Variants in PKD2 observed in about 807,000 individuals in gnomAD.
The protein encoded by PKD2 is polycystin-2.
In PKD2, 48 loss-of-function variants were observed where a neutral mutation model predicts 105.9. That is an observed-to-expected ratio of 0.45 (90% CI 0.36 to 0.58). The LOEUF (loss-of-function observed/expected upper bound fraction) is 0.58, where lower values mean the gene tolerates loss of function less well. Among genes scored for constraint, PKD2 ranks in the 20% least tolerant of loss-of-function variants. The pLI, the probability that PKD2 is intolerant of heterozygous loss-of-function variation, is 0.00. For synonymous variants in PKD2, 464 were observed against 481.1 expected (o/e 0.96, Z 0.46); for missense variants, 1,078 against 1,255.3 (o/e 0.86, Z 2.13).
At chr4:88,070,713 G>C (rs1318291543) in intron 13 of PKD2, among the ~76,000 whole-genome samples, 1 of 150,938 alleles carries the variant, frequency 6.6e-6, no homozygotes, top group Non-Finnish European at 1.5e-5. Flanking sequence ...GCTCTCTACA[G>C]CCTGAACACC....
rs1720124167 is a variant in PKD2, at chr4:88,052,053, G to A, written c.1611G>A (p.Gln537=). The A allele has an allele frequency of 6.2e-7, 1 of 1,603,082 alleles. No individual in the cohort carries two copies. Among genetic ancestry groups the A allele is most frequent in the Admixed American group, 1.7e-5 (1 of 59,974 alleles). Reference sequence around the variant, plus strand: ...CATCAAATGTGGAGGTGCTACTACAGTTTCTGGAAGATCAAAATACTTTCC... The same window carrying A: ...CATCAAATGTGGAGGTGCTACTACAATTTCTGGAAGATCAAAATACTTTCC... The part of the protein sequence containing the change: ...YRTSNVEVLL[Q]FLEDQNTFPN... The change falls in exon 7 of 15, where the codon CAG becomes CAA. Residue 537 remains glutamine (Q), a synonymous_variant. Coordinates refer to ENST00000237596, the MANE Select transcript of PKD2 (RefSeq NM_000297.4).
Position 88,043,288 on chromosome 4 carries a change from G to A in PKD2, c.1150G>A (p.Ala384Thr). 2 of 1,613,650 alleles carry A rather than the reference G, an allele frequency of 1.2e-6. No homozygotes were observed. Among genetic ancestry groups the A allele is most frequent in the Non-Finnish European group, 1.7e-6 (2 of 1,179,602 alleles). ...TGGTAGTAGCCACTGGGGAATCATTGCAACTTATAGTGGAGCTGGCTATTA... is the reference window on the plus strand; with the variant it reads ...TGGTAGTAGCCACTGGGGAATCATTACAACTTATAGTGGAGCTGGCTATTA... ...LNGSSHWGII[A>T]TYSGAGYYLD... is the part of the protein sequence containing the mutation. The change falls in exon 5 of 15, where the codon GCA (alanine) becomes ACA (threonine). Residue 384 changes from alanine to threonine, a missense_variant. Ala to Thr is a moderately conservative substitution (Grantham distance 58, BLOSUM62 0). This residue lies in a region of PKD2 where 868 missense variants were observed against 1,067.3 expected (regional missense o/e 0.81). Transcript: ENST00000237596.
At chr4:88,023,255 C>G (rs1726828158) in intron 2 of PKD2, among the ~76,000 whole-genome samples, 1 of 152,146 alleles carries the variant, frequency 6.6e-6, no homozygotes, top group Non-Finnish European at 1.5e-5. Context: ...GAAGGTGAAG[C>G]AGGAGCTTGC....
Position 88,052,052 on chromosome 4 carries a change from A to G in PKD2, c.1610A>G (p.Gln537Arg). 2.5e-6 allele frequency: 4 copies of G among 1,601,548 alleles called. No individual in the cohort carries two copies. The highest frequency in any genetic ancestry group is 1.7e-6 in the Non-Finnish European group (2 of 1,168,756). The change falls in exon 7 of 15, where the codon CAG becomes CGG. Residue 537 changes from glutamine (Q) to arginine (R), a missense_variant. Gln to Arg is a conservative substitution (Grantham distance 43). This residue lies in a region of PKD2 where 868 missense variants were observed against 1,067.3 expected (regional missense o/e 0.81). Coordinates refer to ENST00000237596, the MANE Select transcript of PKD2 (RefSeq NM_000297.4). ...ACATCAAATGTGGAGGTGCTACTACAGTTTCTGGAAGATCAAAATACTTTC... is the reference window on the plus strand; with the variant it reads ...ACATCAAATGTGGAGGTGCTACTACGGTTTCTGGAAGATCAAAATACTTTC... ...YRTSNVEVLL[Q>R]FLEDQNTFPN...
chr4:88,064,938 GTT>G (rs2110137517), intron 10 of PKD2, among the ~76,000 whole-genome samples: 1 of 152,064 alleles, frequency 6.6e-6, no homozygotes, highest in South Asian at 2.1e-4. Context: ...TTTTTTGTTT[GTT>G]TGTTTGTTTG....
At chr4:88,066,643 G>A (rs1257135518) in intron 12 of PKD2, among the ~76,000 whole-genome samples, 2 of 151,976 alleles carry the variant, frequency 1.3e-5, no homozygotes, top group Non-Finnish European at 2.9e-5. Context: ...AGTAGCCACC[G>A]TGCCTTTCCT....
intron 9 of PKD2, among the ~76,000 whole-genome samples, chr4:88,058,652 A>G (rs1279081506): frequency 6.6e-6 from 1 of 152,158 alleles, no homozygotes; most frequent in Non-Finnish European, 1.5e-5. Context: ...GTTTTAAATT[A>G]TTTATATCCC....
At position 88,007,856 on chromosome 4, in the gene PKD2, C is replaced by T. The variant is rs1430133880; in HGVS notation, c.123C>T (p.Ala41=). 5.7e-6 allele frequency: 7 copies of T among 1,226,276 alleles called. No individual in the cohort carries two copies. The highest frequency in any genetic ancestry group is 1.6e-5 in the African/African-American group (1 of 63,306). The allele number at this position is 1,226,276 out of a possible 1,614,324, so 76.0% of individuals were successfully genotyped here. A position where few individuals can be genotyped will look rare whatever the true frequency, so the allele number is the denominator to read the frequency against. The stretch of plus-strand genomic sequence containing the variant: ...GCGCGGCCGTGGGCGCCAGCCTCGC[C>T]GCCCCGGGCGGCCTCTGCGAGCAGC... ...AGCAAVGASL[A]APGGLCEQRG... is the part of the protein sequence containing the mutation. The change falls in exon 1 of 15, where the codon GCC becomes GCT. Residue 41 remains alanine (A), a synonymous_variant. Transcript: ENST00000237596.
At chr4:88,028,064 G>A (rs1727020877) in intron 2 of PKD2, among the ~76,000 whole-genome samples, 2 of 152,142 alleles carry the variant, frequency 1.3e-5, no homozygotes, top group African/African-American at 4.8e-5. Flanking sequence ...TAATGAAAAT[G>A]GAGAAACGAA....
In PKD2 at chr4:88,033,653, A is replaced by C. The variant is rs137918223; in HGVS notation, c.710-2567A>C. ...ATAAATTTTCAATTTACATACTTAT[A>C]TATAGTTATACCATATTTGTAAATA... On this transcript the variant is annotated intron_variant, in intron 2 of 14. Transcript: ENST00000237596. 5.4e-3 allele frequency among the ~76,000 whole-genome samples: 818 copies of C among 152,308 alleles called. 4 individuals carry two copies. The highest frequency in any genetic ancestry group is 0.018 in the African/African-American group (762 of 41,570).
At chr4:88,015,266 CT>C (rs1401849712) in intron 1 of PKD2, among the ~76,000 whole-genome samples, 5 of 152,142 alleles carry the variant, frequency 3.3e-5, no homozygotes, top group African/African-American at 1.2e-4. Flanking sequence ...TTGCTACCCC[CT>C]ATCATATCAG....
chr4:88,047,752 C>T (rs961637463), intron 6 of PKD2, among the ~76,000 whole-genome samples: 1 of 151,926 alleles, frequency 6.6e-6, no homozygotes, highest in Non-Finnish European at 1.5e-5. Context: ...AATCCCTGCA[C>T]TTTAGGGAAC....
At chr4:88,012,772 C>G (rs139201649) in intron 1 of PKD2, among the ~76,000 whole-genome samples, 1 of 152,220 alleles carries the variant, frequency 6.6e-6, no homozygotes, top group Non-Finnish European at 1.5e-5. Context: ...CATTCTACTT[C>G]CCCTTTCTGT....
Position 88,075,869 on chromosome 4 carries a change from ATTT to A in PKD2, c.*182_*184del, listed in dbSNP as rs533244915. ...TATAAACTTTACCCATGGTTCAAAG[ATTT>A]TTTTTTCTTTTTCTCATATAAGAAA... On this transcript the variant is annotated 3_prime_UTR_variant, in exon 15 of 15. Coordinates refer to ENST00000237596, the MANE Select transcript of PKD2 (RefSeq NM_000297.4). 1 of 649,666 alleles carries A rather than the reference ATTT, an allele frequency of 1.5e-6. No homozygotes were observed. Among genetic ancestry groups the A allele is most frequent in the Non-Finnish European group, 2.7e-6 (1 of 370,026 alleles). 40.2% of individuals were successfully genotyped at this position (649,666 alleles called of 1,614,324 possible). A position where few individuals can be genotyped will look rare whatever the true frequency, so the allele number is the denominator to read the frequency against.
chr4:88,055,495 C>T (rs895749267), intron 7 of PKD2, among the ~76,000 whole-genome samples: 3 of 152,046 alleles, frequency 2.0e-5, no homozygotes, highest in African/African-American at 7.2e-5. Flanking sequence ...TGCCACCACA[C>T]CTGACTAATT....
chr4:88,065,693 A>T (rs933002514), intron 11 of PKD2, 69 bp from the exon 12 acceptor site: 3 of 1,260,674 alleles, frequency 2.4e-6, no homozygotes, highest in African/African-American at 1.5e-5. Flanking sequence ...CTGCATTTTG[A>T]TGTCTCTGTG....
Position 88,074,828 on chromosome 4 carries a change from G to T in PKD2, c.2539G>T (p.Asp847Tyr). The change falls in exon 14 of 15, where the codon GAC becomes TAC. Residue 847 changes from aspartate to tyrosine, a missense_variant. Physicochemically the swap from Asp to Tyr is radical, Grantham distance 160 (BLOSUM62 -3). Coordinates refer to ENST00000237596, the MANE Select transcript of PKD2 (RefSeq NM_000297.4). The part of the protein sequence containing the change: ...EEFQVLVRRV[D>Y]RMEHSIGSIV... ...TCCTTGCAGCCTGGTGAGACGAGTG[G>T]ACCGGATGGAGCATTCCATCGGCAG... 1 of 1,614,094 alleles carries T rather than the reference G, an allele frequency of 6.2e-7. No individual in the cohort carries two copies. The highest frequency in any genetic ancestry group is 1.1e-5 in the South Asian group (1 of 91,064).
rs1325998362 is a variant in PKD2 at position 88,076,985 on chromosome 4, T to C, written c.*1291T>C. On this transcript the variant is annotated 3_prime_UTR_variant, in exon 15 of 15. Coordinates refer to ENST00000237596, the MANE Select transcript of PKD2 (RefSeq NM_000297.4). ...CAGCCAAAATTTGAGTTAGCAACAC[T>C]GTTTTCTTTACGAGAGGGTCTCACC... The C allele has an allele frequency of 6.6e-6, 1 of 152,062 alleles. No individual in the cohort carries two copies. Among genetic ancestry groups the C allele is most frequent in the African/African-American group, 2.4e-5 (1 of 41,444 alleles). The allele number at this position is 152,062 out of a possible 1,614,324, so 9.4% of individuals were successfully genotyped here. A position where few individuals can be genotyped will look rare whatever the true frequency, so the allele number is the denominator to read the frequency against.
In PKD2 at chr4:88,052,180, C is replaced by G. The variant is rs150924889; in HGVS notation, c.1716+22C>G. 95 of 1,399,886 alleles carry G rather than the reference C, an allele frequency of 6.8e-5. No homozygotes were observed. In the African/African-American group the frequency reaches 1.2e-3, roughly 18 times the overall value. The allele number at this position is 1,399,886 out of a possible 1,614,324, so 86.7% of individuals were successfully genotyped here. On this transcript the variant is annotated intron_variant, in intron 7 of 14. Coordinates refer to ENST00000237596, the MANE Select transcript of PKD2 (RefSeq NM_000297.4). ...TAAGGTAATTTATAAATTTCATGTT[C>G]TACATTTTAAATAATATTTTCTTTA...
Sources: gnomAD v4.1 joint callset for allele counts (sites outside exome capture counted in the v4.1 genomes callset) on GRCh38, gnomAD v4.1.1 for gene constraint, gnomAD v4.1.1 regional missense constraint, MANE v1.5 for transcripts, NCBI Gene and HGNC (gene_info 2026-07-23, HGNC 2026-07-21) for gene names.